The following SLIT2 variants were observed in gnomAD, a reference collection of about 807,000 sequenced individuals.
SLIT2 encodes slit homolog 2 protein.
A neutral mutation model predicts 185.7 loss-of-function variants in SLIT2; 41 were observed. That is an observed-to-expected ratio of 0.22 (90% confidence interval 0.17 to 0.29). The LOEUF (loss-of-function observed/expected upper bound fraction) is 0.29. Ranked by LOEUF, SLIT2 falls within the 10% of genes least tolerant of loss-of-function variation. The probability of loss-of-function intolerance (pLI) is 1.00; values close to 1 mark genes in which losing one functional copy is unlikely to be tolerated. For missense variants in SLIT2, 1,571 were observed against 1,909.0 expected (o/e 0.82, Z 3.30); for synonymous variants, 693 against 680.2 (o/e 1.02, Z -0.29).
At chr4:20,305,671 G>A (rs1169440056) in intron 4 of SLIT2, among the ~76,000 whole-genome samples, 4 of 151,690 alleles carry the variant, frequency 2.6e-5, no homozygotes, top group Non-Finnish European at 2.9e-5. Context: ...TCAGGAGTTC[G>A]AGACCAGCCT....
chr4:20,477,244 G>A (rs558577191), intron 5 of SLIT2, among the ~76,000 whole-genome samples: 5 of 151,372 alleles, frequency 3.3e-5, no homozygotes, highest in Admixed American at 1.3e-4. Context: ...GCCCAGGTGG[G>A]AGTGCAATGT....
intron 4 of SLIT2, among the ~76,000 whole-genome samples, chr4:20,339,880 T>C (rs1720819067): frequency 6.6e-6 from 1 of 152,180 alleles, no homozygotes; most frequent in Admixed American, 6.5e-5. Context: ...TACCACATTG[T>C]ATATCATCGT....
chr4:20,373,041 CATT>C (rs1723728052), intron 4 of SLIT2, among the ~76,000 whole-genome samples: 1 of 152,004 alleles, frequency 6.6e-6, no homozygotes, highest in Admixed American at 6.6e-5. Flanking sequence ...TGCTAAATGT[CATT>C]ATATTTATAT....
Position 20,254,968 on chromosome 4 carries a change from C to G in SLIT2, c.179+974C>G. Reference sequence around the variant, plus strand: ...TAAATGCAGACCCGGTGTTGACGGCCCACGCGCTCCTGATGAGGCGCTTCC... The same window carrying G: ...TAAATGCAGACCCGGTGTTGACGGCGCACGCGCTCCTGATGAGGCGCTTCC... On this transcript the variant is annotated intron_variant, in intron 1 of 36. Transcript: ENST00000504154. The surrounding 1 kb of genome is among the most constrained non-coding windows in gnomAD (Gnocchi z 5.1). 1 of 456,314 alleles carries G rather than the reference C, an allele frequency of 2.2e-6. No individual in the cohort carries two copies. 28.3% of individuals were successfully genotyped at this position (456,314 alleles called of 1,614,324 possible).
At chr4:20,408,693 C>T (rs1726964922) in intron 4 of SLIT2, among the ~76,000 whole-genome samples, 1 of 152,132 alleles carries the variant, frequency 6.6e-6, no homozygotes, top group Admixed American at 6.6e-5. Flanking sequence ...TTCTATCGCT[C>T]TAATAGTCCT....
chr4:20,572,780 T>A (rs1427732678), intron 29 of SLIT2, among the ~76,000 whole-genome samples: 2 of 152,244 alleles, frequency 1.3e-5, no homozygotes. Context: ...GATCACATTT[T>A]AAGCCCTTCT....
At chr4:20,260,788 C>T (rs1402514490) in intron 3 of SLIT2, among the ~76,000 whole-genome samples, 1 of 151,780 alleles carries the variant, frequency 6.6e-6, no homozygotes, top group East Asian at 1.9e-4. Context: ...ATAGTTTTCC[C>T]TTTCAAAGAG....
intron 29 of SLIT2, among the ~76,000 whole-genome samples, chr4:20,577,522 C>T (rs1004093412): frequency 2.0e-5 from 3 of 152,212 alleles, no homozygotes; most frequent in African/African-American, 7.2e-5. Flanking sequence ...ATGTATCTTA[C>T]TGGGCATCTG....
chr4:20,570,372 A>C (rs992693726), intron 29 of SLIT2, among the ~76,000 whole-genome samples: 8 of 151,972 alleles, frequency 5.3e-5, no homozygotes, highest in African/African-American at 1.7e-4. Flanking sequence ...GAAAGAATGT[A>C]AATGTTATGT....
At chr4:20,459,801 C>T (rs1467755418) in intron 4 of SLIT2, among the ~76,000 whole-genome samples, 3 of 151,952 alleles carry the variant, frequency 2.0e-5, no homozygotes, top group African/African-American at 7.3e-5. Context: ...GGCCTCAAAC[C>T]ACAGACTTCT....
intron 12 of SLIT2, among the ~76,000 whole-genome samples, chr4:20,520,879 C>T (rs1720782038): frequency 6.6e-6 from 1 of 152,134 alleles, no homozygotes; most frequent in African/African-American, 2.4e-5. Context: ...GATTTTGTAA[C>T]TTAATGACTT....
chr4:20,305,414 C>T (rs1717448439), intron 4 of SLIT2, among the ~76,000 whole-genome samples: 1 of 152,198 alleles, frequency 6.6e-6, no homozygotes, highest in Non-Finnish European at 1.5e-5. Context: ...GTCAGACATT[C>T]TTTCTATTAA....
intron 4 of SLIT2, among the ~76,000 whole-genome samples, chr4:20,328,043 G>A (rs1160145280): frequency 6.6e-6 from 1 of 151,886 alleles, no homozygotes; most frequent in Non-Finnish European, 1.5e-5. Context: ...AGAATGCAGT[G>A]GCCATCAAAG....
chr4:20,358,579 C>T (rs1722513040), intron 4 of SLIT2, among the ~76,000 whole-genome samples: 1 of 152,058 alleles, frequency 6.6e-6, no homozygotes. Flanking sequence ...CAATCTGTCT[C>T]TAAGGTGCTT....
intron 29 of SLIT2, among the ~76,000 whole-genome samples, chr4:20,576,573 T>C (rs1726102036): frequency 6.6e-6 from 1 of 152,162 alleles, no homozygotes; most frequent in South Asian, 2.1e-4. Context: ...TATATCAAGG[T>C]CGTTATAGTT....
intron 24 of SLIT2, among the ~76,000 whole-genome samples, chr4:20,550,215 A>G (rs1427686908): frequency 6.6e-6 from 1 of 152,084 alleles, no homozygotes; most frequent in Non-Finnish European, 1.5e-5. Context: ...CAATTAGTAG[A>G]GCATTTGAAT....
rs1577943397 is a variant in SLIT2, at chr4:20,569,172, T to C, written c.3088+168T>C. On this transcript the variant is annotated intron_variant, in intron 29 of 36. Coordinates refer to ENST00000504154, the MANE Select transcript of SLIT2 (RefSeq NM_004787.4). The stretch of plus-strand genomic sequence containing the variant: ...ATAAGGACTTAAAGATAGTTTCAGC[T>C]AACCAAATAAAAGACCCAGGAATCT... 5 of 621,162 alleles carry C rather than the reference T, an allele frequency of 8.0e-6. No homozygotes were observed. In the East Asian group the frequency reaches 1.4e-4, roughly 18 times the overall value. The allele number at this position is 621,162 out of a possible 1,614,324, so 38.5% of individuals were successfully genotyped here.
chr4:20,598,022 A>G (rs1434634189), intron 32 of SLIT2, among the ~76,000 whole-genome samples: 1 of 152,230 alleles, frequency 6.6e-6, no homozygotes, highest in African/African-American at 2.4e-5. Flanking sequence ...TTCTAAGCAC[A>G]TCCAACATGT....
chr4:20,506,296 T>A (rs1237119328), intron 9 of SLIT2, among the ~76,000 whole-genome samples: 2 of 151,992 alleles, frequency 1.3e-5, no homozygotes, highest in Non-Finnish European at 2.9e-5. Context: ...AGGACTGACA[T>A]TTGAAAATCT....
Sources: allele counts gnomAD v4.1 joint callset (sites outside exome capture counted in the v4.1 genomes callset), GRCh38; gene constraint gnomAD v4.1.1; non-coding constraint Gnocchi (gnomAD v3.1); transcripts MANE v1.5; gene names NCBI Gene and HGNC (gene_info 2026-07-23, HGNC 2026-07-21).